The following TENM4 variants were observed in gnomAD, a reference collection of about 807,000 sequenced individuals.
The protein encoded by TENM4 is teneurin transmembrane protein 4.
TENM4 carries 82 observed loss-of-function variants against 243.3 expected under a neutral mutation model. The ratio of observed to expected loss-of-function variants is 0.34; its 90% CI spans 0.28 to 0.40. The LOEUF (loss-of-function observed/expected upper bound fraction) is 0.40, where lower values mean the gene tolerates loss of function less well. TENM4 is among the 10% of genes least tolerant of loss of function. The pLI is 1.00. For missense variants in TENM4, 3,138 were observed against 3,673.3 expected (o/e 0.85, Z 3.77); for synonymous variants, 1,412 against 1,456.3 (o/e 0.97, Z 0.69).
chr11:79,359,707 G>C (rs939913577), intron 1 of TENM4, among the ~76,000 whole-genome samples: 1 of 152,160 alleles, frequency 6.6e-6, no homozygotes, highest in African/African-American at 2.4e-5. Context: ...CAGTTACCTA[G>C]AGAGAAGGAA....
chr11:78,982,555 C>T (rs1451394256), intron 6 of TENM4, among the ~76,000 whole-genome samples: 1 of 152,164 alleles, frequency 6.6e-6, no homozygotes, highest in Non-Finnish European at 1.5e-5. Flanking sequence ...CCCTGCCCCT[C>T]TGGCTCTCCT....
At chr11:78,885,945 A>ACAAG in intron 9 of TENM4, among the ~76,000 whole-genome samples, 1 of 152,228 alleles carries the variant, frequency 6.6e-6, no homozygotes, top group South Asian at 2.1e-4. Context: ...AAACAAACAA[A>ACAAG]CAAACTAAAT....
Position 78,656,558 on chromosome 11 carries a change from G to C in TENM4, c.*1500C>G, listed in dbSNP as rs12222828. On this transcript the variant is annotated 3_prime_UTR_variant, in exon 34 of 34. Transcript: ENST00000278550. ...TGGGCGTGCTCTTCAGGTGTGGGCT[G>C]TCCCTGCTTCTGAGAGGGCTCAGGC... 6.5e-6 allele frequency: 1 copy of C among 152,718 alleles called. No homozygotes were observed. The highest frequency in any genetic ancestry group is 2.4e-5 in the African/African-American group (1 of 41,478). 9.5% of individuals were successfully genotyped at this position (152,718 alleles called of 1,614,324 possible). A position where few individuals can be genotyped will look rare whatever the true frequency, so the allele number is the denominator to read the frequency against.
intron 1 of TENM4, among the ~76,000 whole-genome samples, chr11:79,349,549 C>T (rs904741129): frequency 6.6e-6 from 1 of 152,158 alleles, no homozygotes; most frequent in Non-Finnish European, 1.5e-5. Flanking sequence ...ACACACCATT[C>T]CAGGTGCCAG....
At chr11:79,205,429 C>T (rs1863833224) in intron 3 of TENM4, among the ~76,000 whole-genome samples, 1 of 152,184 alleles carries the variant, frequency 6.6e-6, no homozygotes, top group African/African-American at 2.4e-5. Flanking sequence ...AGAACGTCTC[C>T]ACAGGCAAGG....
At chr11:78,745,651 A>G (rs971915259) in intron 19 of TENM4, among the ~76,000 whole-genome samples, 2 of 152,230 alleles carry the variant, frequency 1.3e-5, no homozygotes, top group African/African-American at 4.8e-5. Context: ...CCAACATTCT[A>G]TAGAAATAAA....
intron 1 of TENM4, among the ~76,000 whole-genome samples, chr11:79,419,428 G>A (rs991641082): frequency 1.3e-5 from 2 of 152,178 alleles, no homozygotes; most frequent in Admixed American, 6.5e-5. Flanking sequence ...CCCACGGCAC[G>A]GGGATGGATG....
intron 1 of TENM4, among the ~76,000 whole-genome samples, chr11:79,358,904 T>G (rs1041972222): frequency 6.6e-6 from 1 of 152,028 alleles, no homozygotes; most frequent in East Asian, 1.9e-4. Flanking sequence ...AAAAACACCT[T>G]TATTTTTTAT....
At chr11:78,848,797 G>A (rs1010939045) in intron 12 of TENM4, among the ~76,000 whole-genome samples, 3 of 152,062 alleles carry the variant, frequency 2.0e-5, no homozygotes, top group African/African-American at 7.3e-5. Flanking sequence ...AAAGAGCAAG[G>A]ATGCAATCCT....
At chr11:78,750,962 C>T (rs549547863) in intron 19 of TENM4, among the ~76,000 whole-genome samples, 6 of 152,192 alleles carry the variant, frequency 3.9e-5, no homozygotes, top group Non-Finnish European at 8.8e-5. Flanking sequence ...TCTCTGCAAC[C>T]TCTGCCTCCT....
chr11:78,953,774 T>C (rs1202423177), intron 6 of TENM4, among the ~76,000 whole-genome samples: 2 of 152,206 alleles, frequency 1.3e-5, no homozygotes, highest in East Asian at 3.9e-4. Context: ...TAGATTTTAG[T>C]ATCCCTGGAG....
chr11:79,062,596 C>G (rs1341083608), intron 6 of TENM4, among the ~76,000 whole-genome samples: 4 of 152,198 alleles, frequency 2.6e-5, no homozygotes, highest in African/African-American at 9.7e-5. Flanking sequence ...GTGTTTCCTA[C>G]ATTATTTGAC....
intron 6 of TENM4, among the ~76,000 whole-genome samples, chr11:78,959,737 TG>T (rs1483264557): frequency 2.6e-5 from 4 of 152,226 alleles, no homozygotes; most frequent in African/African-American, 9.6e-5. Flanking sequence ...AGCAGACAGC[TG>T]CAGGCTAAAG....
At chr11:79,118,251 A>G (rs1861662073) in intron 4 of TENM4, among the ~76,000 whole-genome samples, 1 of 152,182 alleles carries the variant, frequency 6.6e-6, no homozygotes, top group East Asian at 1.9e-4. Flanking sequence ...TGGTTATGAA[A>G]GGACTTGGCA....
At chr11:79,414,517 A>G (rs571759803) in intron 1 of TENM4, among the ~76,000 whole-genome samples, 1 of 152,256 alleles carries the variant, frequency 6.6e-6, no homozygotes, top group African/African-American at 2.4e-5. Context: ...AAACATGCCA[A>G]CTCAAACTCG....
At chr11:78,736,477 T>TGTGTGTGTGTGTGCGCGC (rs1328804792) in intron 20 of TENM4, among the ~76,000 whole-genome samples, 1 of 102,070 alleles carries the variant, frequency 9.8e-6, no homozygotes, top group African/African-American at 3.3e-5. Flanking sequence ...TGTGTGTGTG[T>TGTGTGTGTGTGTGCGCGC]GTGCGCGCGC....
intron 15 of TENM4, among the ~76,000 whole-genome samples, chr11:78,790,449 A>AT (rs950702577): frequency 6.6e-6 from 1 of 152,228 alleles, no homozygotes; most frequent in African/African-American, 2.4e-5. Context: ...TGGGAAAGCC[A>AT]TTTTTTATTT....
At position 79,139,699 on chromosome 11, in the gene TENM4, TA is replaced by T. The variant is rs1565220641; in HGVS notation, c.-66+9010del. On this transcript the variant is annotated intron_variant, in intron 4 of 33. Transcript: ENST00000278550. ...TTTATATAAGTATATAAAATATATA[TA>T]ATATTTATATAAGTATATAAAATAT... is the stretch of plus-strand genomic sequence containing the variant. Among the ~76,000 whole-genome samples, 453 of 94,420 alleles carry T rather than the reference TA, an allele frequency of 4.8e-3. 45 individuals carry two copies. Among genetic ancestry groups the T allele is most frequent in the African/African-American group, 0.012 (273 of 22,480 alleles). 61.9% of individuals were successfully genotyped at this position (94,420 alleles called of 152,430 possible). A position where few individuals can be genotyped will look rare whatever the true frequency, so the allele number is the denominator to read the frequency against.
At chr11:79,212,819 C>G (rs1863978421) in intron 3 of TENM4, among the ~76,000 whole-genome samples, 1 of 152,208 alleles carries the variant, frequency 6.6e-6, no homozygotes, top group Non-Finnish European at 1.5e-5. Context: ...TTTACCTCCT[C>G]CCCCTGATCT....
Sources: gnomAD v4.1 joint callset for allele counts (sites outside exome capture counted in the v4.1 genomes callset) on GRCh38, gnomAD v4.1.1 for gene constraint, MANE v1.5 for transcripts, NCBI Gene and HGNC (gene_info 2026-07-23, HGNC 2026-07-21) for gene names.